The following HS3ST3A1 variants were observed in gnomAD, a reference collection of about 807,000 sequenced individuals.
The protein encoded by HS3ST3A1 is heparan sulfate-glucosamine 3-sulfotransferase 3A1.
In HS3ST3A1, 19 loss-of-function variants were observed where a neutral mutation model predicts 25.7. The observed-to-expected ratio is 0.74, with a 90% confidence interval of 0.52 to 1.08. The LOEUF (loss-of-function observed/expected upper bound fraction) is 1.08. Ranked by LOEUF, HS3ST3A1 falls within the 50% of genes least tolerant of loss-of-function variation. HS3ST3A1 has a pLI of 0.00. For synonymous variants in HS3ST3A1, 226 were observed against 278.6 expected, an observed-to-expected ratio of 0.81 and a Z score of 1.88; for missense variants, 459 against 594.3, an observed-to-expected ratio of 0.77 and a Z score of 2.37.
chr17:13,543,909 C>T (rs1280507602), intron 1 of HS3ST3A1, among the ~76,000 whole-genome samples: 1 of 152,124 alleles, frequency 6.6e-6, no homozygotes, highest in Non-Finnish European at 1.5e-5. Flanking sequence ...TTTTAAAACC[C>T]TCTCATCAAG....
At chr17:13,569,203 C>T (rs903927792) in intron 1 of HS3ST3A1, among the ~76,000 whole-genome samples, 1 of 152,204 alleles carries the variant, frequency 6.6e-6, no homozygotes, top group African/African-American at 2.4e-5. Context: ...TGGGCTACAG[C>T]AGCCTCAGCC....
intron 1 of HS3ST3A1, among the ~76,000 whole-genome samples, chr17:13,561,747 G>T (rs1466710115): frequency 6.6e-6 from 1 of 152,078 alleles, no homozygotes; most frequent in Non-Finnish European, 1.5e-5. Context: ...CACCAGGCTG[G>T]AGACACTGCG....
intron 1 of HS3ST3A1, among the ~76,000 whole-genome samples, chr17:13,552,885 T>A (rs1369900422): frequency 1.3e-5 from 2 of 152,106 alleles, no homozygotes; most frequent in African/African-American, 4.8e-5. Context: ...CTTGAATAAA[T>A]CAAGTCAAGA....
chr17:13,592,448 T>C lies in HS3ST3A1; in HGVS notation c.599+8083A>G, dbSNP rs1908452760. ...GATATACCGCGGGGTCCAATTATTT[T>C]GCTATTTTAAAAAAGGCTAAAACGC... On this transcript the variant is annotated intron_variant, in intron 1 of 1. Coordinates refer to ENST00000284110, the MANE Select transcript of HS3ST3A1 (RefSeq NM_006042.3). 3.3e-5 allele frequency among the ~76,000 whole-genome samples: 5 copies of C among 152,202 alleles called. No individual in the cohort carries two copies. In the South Asian group the frequency reaches 1.0e-3, roughly 31 times the overall value.
intron 1 of HS3ST3A1, among the ~76,000 whole-genome samples, chr17:13,580,971 G>C (rs1908097603): frequency 6.6e-6 from 1 of 152,156 alleles, no homozygotes. Flanking sequence ...GCATGTGTGT[G>C]CTTGTGTATT....
chr17:13,527,565 C>T (rs1024706485), intron 1 of HS3ST3A1, among the ~76,000 whole-genome samples: 1 of 152,106 alleles, frequency 6.6e-6, no homozygotes, highest in Non-Finnish European at 1.5e-5. Flanking sequence ...CCCCTGCTCC[C>T]CACAGCACAA....
intron 1 of HS3ST3A1, among the ~76,000 whole-genome samples, chr17:13,542,381 T>C (rs1906961420): frequency 6.7e-6 from 1 of 149,840 alleles, no homozygotes; most frequent in African/African-American, 2.5e-5. Context: ...AGATCCCTGA[T>C]CCAACAGAAT....
chr17:13,539,500 A>G lies in HS3ST3A1; in HGVS notation c.600-42682T>C, dbSNP rs1022177990. On this transcript the variant is annotated intron_variant, in intron 1 of 1. Coordinates refer to ENST00000284110, the MANE Select transcript of HS3ST3A1 (RefSeq NM_006042.3). ...TAATTTCACTTCACAGGTTAGAGAC[A>G]TTGGCAAAGAACATCTTTTTCTTTA... Among the ~76,000 whole-genome samples, 7 of 152,218 alleles carry G rather than the reference A, an allele frequency of 4.6e-5. No individual in the cohort carries two copies. In the East Asian group the frequency reaches 9.6e-4, roughly 21 times the overall value.
chr17:13,516,443 T>G (rs1231732490), intron 1 of HS3ST3A1, among the ~76,000 whole-genome samples: 1 of 152,248 alleles, frequency 6.6e-6, no homozygotes, highest in African/African-American at 2.4e-5. Context: ...TAACAGTGTC[T>G]TTGGCTGAGC....
chr17:13,511,034 A>C (rs1239523221), intron 1 of HS3ST3A1, among the ~76,000 whole-genome samples: 1 of 152,236 alleles, frequency 6.6e-6, no homozygotes, highest in African/African-American at 2.4e-5. Context: ...GCCATCCCGG[A>C]GTTGGCATTT....
chr17:13,579,796 C>A (rs1054199765), intron 1 of HS3ST3A1, among the ~76,000 whole-genome samples: 1 of 147,824 alleles, frequency 6.8e-6, no homozygotes, highest in African/African-American at 2.5e-5. Flanking sequence ...CATGGGGAAA[C>A]CCTGTCTCTA....
Position 13,496,058 on chromosome 17 carries a change from A to C in HS3ST3A1, c.*139T>G. On this transcript the variant is annotated 3_prime_UTR_variant, in exon 2 of 2. Coordinates refer to ENST00000284110, the MANE Select transcript of HS3ST3A1 (RefSeq NM_006042.3). ...TGGTTATACATTAAGATGGGGCGGGAGTGAGAACAATCTCTTAACATTCAT... is the reference window on the plus strand; with the variant it reads ...TGGTTATACATTAAGATGGGGCGGGCGTGAGAACAATCTCTTAACATTCAT... 9.4e-7 allele frequency: 1 copy of C among 1,059,388 alleles called. No individual in the cohort carries two copies. Among genetic ancestry groups the C allele is most frequent in the Non-Finnish European group, 1.3e-6 (1 of 762,152 alleles). The allele number at this position is 1,059,388 out of a possible 1,614,324, so 65.6% of individuals were successfully genotyped here. A position where few individuals can be genotyped will look rare whatever the true frequency, so the allele number is the denominator to read the frequency against.
At chr17:13,539,226 C>T (rs1377793331) in intron 1 of HS3ST3A1, among the ~76,000 whole-genome samples, 1 of 152,222 alleles carries the variant, frequency 6.6e-6, no homozygotes, top group Non-Finnish European at 1.5e-5. Flanking sequence ...GTTGGCACAA[C>T]ATTGCTGCTG....
chr17:13,535,321 A>C (rs980758546), intron 1 of HS3ST3A1, among the ~76,000 whole-genome samples: 5 of 152,182 alleles, frequency 3.3e-5, no homozygotes, highest in African/African-American at 1.2e-4. Context: ...TGTGCTTAGG[A>C]ACACTAGATG....
At chr17:13,599,666 T>C (rs1427394393) in intron 1 of HS3ST3A1, among the ~76,000 whole-genome samples, 1 of 152,228 alleles carries the variant, frequency 6.6e-6, no homozygotes, top group African/African-American at 2.4e-5. Flanking sequence ...GATTTTATTA[T>C]TAAAGGTGGT....
At chr17:13,590,987 C>G (rs967454765) in intron 1 of HS3ST3A1, among the ~76,000 whole-genome samples, 2 of 151,934 alleles carry the variant, frequency 1.3e-5, no homozygotes, top group Non-Finnish European at 2.9e-5. Flanking sequence ...CTCAGCTCTC[C>G]TTGCTCCAAT....
intron 1 of HS3ST3A1, among the ~76,000 whole-genome samples, chr17:13,578,774 T>TA (rs1403459454): frequency 3.9e-5 from 6 of 152,148 alleles, no homozygotes; most frequent in Non-Finnish European, 7.3e-5. Flanking sequence ...AACAAAATCT[T>TA]ACCTGAGTAA....
At chr17:13,546,658 TTAAC>T (rs1028053428) in intron 1 of HS3ST3A1, among the ~76,000 whole-genome samples, 16 of 152,224 alleles carry the variant, frequency 1.1e-4, no homozygotes, top group Non-Finnish European at 1.5e-5. Context: ...GCCTCTCTCT[TTAAC>T]TACCTCCTTT....
chr17:13,502,898 G>A (rs181216171), intron 1 of HS3ST3A1, among the ~76,000 whole-genome samples: 10 of 150,664 alleles, frequency 6.6e-5, no homozygotes, highest in African/African-American at 1.9e-4. Flanking sequence ...AAAAAAAATA[G>A]GGCCAGGGGT....
Sources: gnomAD v4.1 joint callset for allele counts (sites outside exome capture counted in the v4.1 genomes callset) on GRCh38, gnomAD v4.1.1 for gene constraint, MANE v1.5 for transcripts, NCBI Gene and HGNC (gene_info 2026-07-23, HGNC 2026-07-21) for gene names.